SLC4A4: variants seen among roughly 807,000 people sequenced by gnomAD.
SLC4A4 encodes solute carrier family 4 member 4.
A neutral mutation model predicts 111.5 loss-of-function variants in SLC4A4; 27 were observed. The observed-to-expected ratio is 0.24, with a 90% CI of 0.18 to 0.33. SLC4A4 has a LOEUF of 0.33. Among genes scored for constraint, SLC4A4 ranks in the 10% least tolerant of loss-of-function variants. SLC4A4 has a pLI of 1.00. For missense variants in SLC4A4, 909 were observed against 1,315.5 expected, an observed-to-expected ratio of 0.69 and a Z score of 4.78; for synonymous variants, 443 against 463.4, an observed-to-expected ratio of 0.96 and a Z score of 0.57.
intron 2 of SLC4A4, among the ~76,000 whole-genome samples, chr4:71,144,788 C>T (rs1189008667): frequency 6.6e-6 from 1 of 152,180 alleles, no homozygotes; most frequent in Non-Finnish European, 1.5e-5. Flanking sequence ...GATTTTTGCA[C>T]ATTGATTTTG....
chr4:71,243,265 A>G (rs369756737), intron 2 of SLC4A4, among the ~76,000 whole-genome samples: 2 of 152,200 alleles, frequency 1.3e-5, no homozygotes, highest in East Asian at 1.9e-4. Flanking sequence ...TGTCTGCCAC[A>G]TAGACTAGAA....
chr4:71,288,005 A>G (rs1351150459), intron 3 of SLC4A4, among the ~76,000 whole-genome samples: 5 of 152,112 alleles, frequency 3.3e-5, no homozygotes, highest in Non-Finnish European at 5.9e-5. Context: ...ATATCTTTCA[A>G]TTGACATCTT....
chr4:71,292,981 A>G (rs1578769503), intron 3 of SLC4A4, among the ~76,000 whole-genome samples: 1 of 150,264 alleles, frequency 6.7e-6, no homozygotes, highest in African/African-American at 2.4e-5. Flanking sequence ...AGCTGGGATT[A>G]CAGGCACCTG....
In SLC4A4 at chr4:71,322,383, G is replaced by A. The variant is rs1205364291; in HGVS notation, c.254-16987G>A. Among the ~76,000 whole-genome samples, 7 of 152,080 alleles carry A rather than the reference G, an allele frequency of 4.6e-5. No homozygotes were observed. The East Asian group carries it at 1.4e-3, about 29-fold the overall frequency. On this transcript the variant is annotated intron_variant, in intron 3 of 25. Transcript: ENST00000264485. ...ACAGAGAGTCTATAGGAAGGAGAAT[G>A]TCTTCTTTTGTATGTGAAAGCATCC...
Position 71,241,773 on chromosome 4 carries a change from A to G in SLC4A4, c.73+5124A>G, listed in dbSNP as rs534251755. On this transcript the variant is annotated intron_variant, in intron 2 of 25. Coordinates refer to ENST00000264485, the MANE Select transcript of SLC4A4 (RefSeq NM_001098484.3). Reference sequence around the variant, plus strand: ...AAGCCTTCTTAAAAGGAAACAATGTATCCACACATTGGCCCACTTTAAAGA... The same window carrying G: ...AAGCCTTCTTAAAAGGAAACAATGTGTCCACACATTGGCCCACTTTAAAGA... 1.8e-4 allele frequency among the ~76,000 whole-genome samples: 27 copies of G among 152,360 alleles called. 1 individual carries two copies. The highest frequency in any genetic ancestry group is 1.6e-3 in the Admixed American group (24 of 15,304).
At chr4:71,523,458 G>A (rs1431757484) in intron 16 of SLC4A4, among the ~76,000 whole-genome samples, 2 of 152,054 alleles carry the variant, frequency 1.3e-5, no homozygotes, top group Non-Finnish European at 2.9e-5. Flanking sequence ...ACAGACATAT[G>A]ACCAAAAATA....
At chr4:71,160,804 C>T (rs1352210356) in intron 2 of SLC4A4, among the ~76,000 whole-genome samples, 1 of 152,110 alleles carries the variant, frequency 6.6e-6, no homozygotes, top group Non-Finnish European at 1.5e-5. Context: ...CAACCACCAC[C>T]TTATAATTAA....
intron 1 of SLC4A4, among the ~76,000 whole-genome samples, chr4:71,208,002 G>T (rs1309244822): frequency 1.3e-5 from 2 of 152,136 alleles, no homozygotes; most frequent in Non-Finnish European, 2.9e-5. Flanking sequence ...TAGAGACAGG[G>T]TCTTGCTTGT....
chr4:71,460,111 G>A (rs1726680046), intron 12 of SLC4A4, among the ~76,000 whole-genome samples: 1 of 151,708 alleles, frequency 6.6e-6, no homozygotes, highest in Admixed American at 6.6e-5. Context: ...GTTACCATAT[G>A]TCTTTTAACC....
chr4:71,179,234 C>G (rs1447217710), intron 2 of SLC4A4, among the ~76,000 whole-genome samples: 1 of 151,972 alleles, frequency 6.6e-6, no homozygotes, highest in African/African-American at 2.4e-5. Context: ...TATGACAAAC[C>G]CACAGCCAAT....
At chr4:71,353,971 G>T (rs2148908248) in intron 5 of SLC4A4, among the ~76,000 whole-genome samples, 1 of 152,238 alleles carries the variant, frequency 6.6e-6, no homozygotes, top group African/African-American at 2.4e-5. Context: ...GCCTATTTTT[G>T]ATTCTTCTCA....
chr4:71,269,947 G>C (rs1722586483), intron 3 of SLC4A4, among the ~76,000 whole-genome samples: 1 of 152,158 alleles, frequency 6.6e-6, no homozygotes, highest in Non-Finnish European at 1.5e-5. Context: ...ACCTCACCAG[G>C]TGGCTGTGAA....
At chr4:71,169,765 G>A (rs1361645802) in intron 2 of SLC4A4, among the ~76,000 whole-genome samples, 1 of 152,160 alleles carries the variant, frequency 6.6e-6, no homozygotes, top group Non-Finnish European at 1.5e-5. Flanking sequence ...TGTGGCAAGG[G>A]CCTTCTTGCC....
intron 14 of SLC4A4, among the ~76,000 whole-genome samples, chr4:71,475,358 A>T (rs1460844053): frequency 6.6e-6 from 1 of 151,896 alleles, no homozygotes; most frequent in East Asian, 1.9e-4. Context: ...AATGTGTTCA[A>T]ATTATAAAAA....
Position 71,486,928 on chromosome 4 carries a change from T to G in SLC4A4, c.1904-20T>G. On this transcript the variant is annotated intron_variant, in intron 14 of 25. Coordinates refer to ENST00000264485, the MANE Select transcript of SLC4A4 (RefSeq NM_001098484.3). ...TCTATTTTAGTTTTATAGTATAAAA[T>G]AATTATCTTTTGCTTACAGCTAATA... 1.3e-6 allele frequency: 2 copies of G among 1,527,290 alleles called. No individual in the cohort carries two copies. Among genetic ancestry groups the G allele is most frequent in the Non-Finnish European group, 1.8e-6 (2 of 1,106,112 alleles). The allele number at this position is 1,527,290 out of a possible 1,614,324, so 94.6% of individuals were successfully genotyped here. A position where few individuals can be genotyped will look rare whatever the true frequency, so the allele number is the denominator to read the frequency against.
intron 6 of SLC4A4, among the ~76,000 whole-genome samples, chr4:71,363,004 G>C (rs1423947620): frequency 1.3e-5 from 2 of 152,040 alleles, no homozygotes; most frequent in Admixed American, 1.3e-4. Flanking sequence ...TAATCCACTT[G>C]CTCCCATTAT....
At chr4:71,384,142 G>A (rs542623284) in intron 6 of SLC4A4, among the ~76,000 whole-genome samples, 4 of 152,134 alleles carry the variant, frequency 2.6e-5, no homozygotes, top group Admixed American at 6.5e-5. Flanking sequence ...GTAACTCTAG[G>A]ATCACTTGAG....
At chr4:71,501,737 C>T (rs1730947305) in intron 16 of SLC4A4, among the ~76,000 whole-genome samples, 1 of 152,206 alleles carries the variant, frequency 6.6e-6, no homozygotes, top group Non-Finnish European at 1.5e-5. Context: ...TCTCAGCTCA[C>T]TGCAACCTCT....
intron 1 of SLC4A4, among the ~76,000 whole-genome samples, chr4:71,065,356 G>C (rs1578446090): frequency 1.4e-5 from 2 of 140,992 alleles, no homozygotes; most frequent in Middle Eastern, 3.6e-3. Context: ...TGCTATGCTT[G>C]GAGTATCACC....
Sources: allele counts gnomAD v4.1 joint callset (sites outside exome capture counted in the v4.1 genomes callset), GRCh38; gene constraint gnomAD v4.1.1; transcripts MANE v1.5; gene names NCBI Gene and HGNC (gene_info 2026-07-23, HGNC 2026-07-21).